POPDC1: variants seen among roughly 807,000 people sequenced by gnomAD.
POPDC1 encodes the protein popeye domain cAMP effector 1.
At chr6:105,115,874 C>A in the POPDC1 span, 1 of 1,591,930 alleles carries the variant, frequency 6.3e-7, no homozygotes, top group South Asian at 1.1e-5. Context: ...GGAGTTGAAT[C>A]ATACATTCCA....
the POPDC1 span, among the ~76,000 whole-genome samples, chr6:105,134,673 G>C: frequency 6.6e-6 from 1 of 152,254 alleles, no homozygotes; most frequent in Non-Finnish European, 1.5e-5. Context: ...TATTTTGAAA[G>C]GATGTTAACA....
chr6:105,109,727 G>A, the POPDC1 span, among the ~76,000 whole-genome samples: 2 of 119,472 alleles, frequency 1.7e-5, no homozygotes, highest in African/African-American at 6.1e-5. Context: ...TCATGCCACT[G>A]CACTCTAGCC....
At chr6:105,113,121 G>A in the POPDC1 span, among the ~76,000 whole-genome samples, 124 of 151,908 alleles carry the variant, frequency 8.2e-4, no homozygotes, top group African/African-American at 2.8e-3. Flanking sequence ...TTGTAGAGAT[G>A]GGGTCTCATT....
the POPDC1 span, chr6:105,100,566 ATATGTATGTATG>A: frequency 7.0e-6 from 1 of 142,010 alleles, no homozygotes; most frequent in African/African-American, 2.7e-5. Flanking sequence ...ATATATATAT[ATATGTATGTATG>A]TATGTGTGTG....
At chr6:105,125,721 T>C in the POPDC1 span, 2 of 784,652 alleles carry the variant, frequency 2.5e-6, no homozygotes, top group African/African-American at 1.7e-5. Flanking sequence ...AATAGAATCT[T>C]ACACAGCAAG....
chr6:105,126,086 C>T, the POPDC1 span, among the ~76,000 whole-genome samples: 3 of 151,810 alleles, frequency 2.0e-5, no homozygotes, highest in Non-Finnish European at 2.9e-5. Flanking sequence ...ATTAGCTGGG[C>T]GTGGTGGCAT....
chr6:105,116,950 T>C, the POPDC1 span: 3 of 1,291,798 alleles, frequency 2.3e-6, no homozygotes, highest in Non-Finnish European at 3.2e-6. Context: ...AAACTAGGAA[T>C]GATTTAGTGG....
chr6:105,118,556 G>T, the POPDC1 span, among the ~76,000 whole-genome samples: 1 of 152,188 alleles, frequency 6.6e-6, no homozygotes, highest in Admixed American at 6.5e-5. Flanking sequence ...AGAAAGACAA[G>T]ATGCTTGCCC....
the POPDC1 span, chr6:105,100,158 C>T: frequency 6.6e-6 from 1 of 151,928 alleles, no homozygotes; most frequent in Non-Finnish European, 1.5e-5. Context: ...ATACTTCTGG[C>T]CTGGGAGAAA....
At chr6:105,103,863 G>A in the POPDC1 span, among the ~76,000 whole-genome samples, 3 of 152,102 alleles carry the variant, frequency 2.0e-5, no homozygotes, top group Admixed American at 6.6e-5. Context: ...AGAAAATGAA[G>A]GGAGGACTCA....
At chr6:105,104,170 C>A in the POPDC1 span, among the ~76,000 whole-genome samples, 1 of 151,940 alleles carries the variant, frequency 6.6e-6, no homozygotes, top group Non-Finnish European at 1.5e-5. Context: ...ATGGTTCCTC[C>A]ACTCCCATCT....
chr6:105,116,746 G>C, the POPDC1 span: 5 of 1,609,874 alleles, frequency 3.1e-6, no homozygotes, highest in African/African-American at 6.7e-5. Flanking sequence ...GCTTATTTGT[G>C]ATGTCTTTTC....
the POPDC1 span, among the ~76,000 whole-genome samples, chr6:105,109,062 G>A: frequency 6.6e-6 from 1 of 152,112 alleles, no homozygotes; most frequent in Non-Finnish European, 1.5e-5. Context: ...CTCGGGCTCA[G>A]GTGTCCTCAG....
At chr6:105,119,140 G>A in the POPDC1 span, among the ~76,000 whole-genome samples, 3 of 146,722 alleles carry the variant, frequency 2.0e-5, no homozygotes, top group Non-Finnish European at 3.0e-5. Context: ...AGCCGAGATC[G>A]TGCCGCTGCA....
the POPDC1 span, among the ~76,000 whole-genome samples, chr6:105,108,132 G>A: frequency 4.5e-3 from 690 of 152,236 alleles, 8 homozygotes; most frequent in African/African-American, 0.016. Context: ...TGTACAGCGC[G>A]CAAGGTGTGG....
At chr6:105,127,124 C>G in the POPDC1 span, among the ~76,000 whole-genome samples, 1 of 152,322 alleles carries the variant, frequency 6.6e-6, no homozygotes, top group Admixed American at 6.5e-5. Flanking sequence ...CAGATCATGA[C>G]AGCTGCTCCA....
the POPDC1 span, among the ~76,000 whole-genome samples, chr6:105,126,415 G>C: frequency 6.7e-6 from 1 of 149,716 alleles, no homozygotes; most frequent in Non-Finnish European, 1.5e-5. Context: ...CTGGGCAACA[G>C]AGTAACACTG....
chr6:105,115,873 T>C, the POPDC1 span: 4 of 1,597,846 alleles, frequency 2.5e-6, no homozygotes, highest in Non-Finnish European at 3.4e-6. Context: ...GGGAGTTGAA[T>C]CATACATTCC....
chr6:105,109,015 C>A, the POPDC1 span, among the ~76,000 whole-genome samples: 50 of 152,140 alleles, frequency 3.3e-4, no homozygotes, highest in Non-Finnish European at 1.2e-4. Context: ...GGCTGGAATG[C>A]AGTGTCGTGA....
Sources: allele counts gnomAD v4.1 joint callset (sites outside exome capture counted in the v4.1 genomes callset), GRCh38; gene constraint gnomAD v4.1.1; transcripts MANE v1.5; gene names NCBI Gene and HGNC (gene_info 2026-07-23, HGNC 2026-07-21).